The following GOLGA5 variants were observed in gnomAD, a reference collection of about 807,000 sequenced individuals.
The protein encoded by GOLGA5 is golgin A5.
GOLGA5 carries 50 observed loss-of-function variants against 93.5 expected under a neutral mutation model. That is an observed-to-expected ratio of 0.53 (90% CI 0.43 to 0.68). The LOEUF (loss-of-function observed/expected upper bound fraction) is 0.68. Ranked by LOEUF, GOLGA5 falls within the 30% of genes least tolerant of loss-of-function variation. The pLI, the probability that GOLGA5 is intolerant of heterozygous loss-of-function variation, is 0.00. For synonymous variants in GOLGA5, 312 were observed against 304.5 expected, an observed-to-expected ratio of 1.02 and a Z score of -0.26; for missense variants, 760 against 856.4, an observed-to-expected ratio of 0.89 and a Z score of 1.40.
At chr14:92,832,594 GA>G (rs1885553578) in intron 9 of GOLGA5, among the ~76,000 whole-genome samples, 2 of 152,224 alleles carry the variant, frequency 1.3e-5, no homozygotes, top group Admixed American at 1.3e-4. Context: ...AACAGATTCA[GA>G]GAAGTATAGC....
intron 9 of GOLGA5, among the ~76,000 whole-genome samples, chr14:92,828,786 G>A (rs1885470340): frequency 6.6e-6 from 1 of 151,488 alleles, no homozygotes; most frequent in Admixed American, 6.6e-5. Flanking sequence ...CTTGTGCCTT[G>A]GTCTCCCAAG....
chr14:92,833,560 CTG>C lies in GOLGA5; in HGVS notation c.1945+214_1945+215del, dbSNP rs149658664. Among the ~76,000 whole-genome samples the C allele has an allele frequency of 2.9e-3, 440 of 152,166 alleles. 2 individuals carry two copies. Among genetic ancestry groups the C allele is most frequent in the African/African-American group, 0.01 (427 of 41,498 alleles). The stretch of plus-strand genomic sequence containing the variant: ...CAGTATTAGACTTGGGGAAAGTAGT[CTG>C]AGGATTGATAATTATATTGTAATGT... On this transcript the variant is annotated intron_variant, in intron 10 of 12. Coordinates refer to ENST00000163416, the MANE Select transcript of GOLGA5 (RefSeq NM_005113.4).
chr14:92,835,938 T>A (rs1885631435), intron 11 of GOLGA5, among the ~76,000 whole-genome samples: 1 of 151,926 alleles, frequency 6.6e-6, no homozygotes, highest in Non-Finnish European at 1.5e-5. Flanking sequence ...TAACCCTGAC[T>A]GTATCTCTTT....
At chr14:92,795,754 A>G (rs1381862918) in intron 1 of GOLGA5, among the ~76,000 whole-genome samples, 1 of 152,202 alleles carries the variant, frequency 6.6e-6, no homozygotes, top group African/African-American at 2.4e-5. Context: ...ATTATAAAAC[A>G]TGAAGGACTG....
intron 9 of GOLGA5, among the ~76,000 whole-genome samples, chr14:92,830,638 C>A (rs548306005): frequency 1.4e-4 from 22 of 152,214 alleles, no homozygotes; most frequent in African/African-American, 5.1e-4. Flanking sequence ...TTTGCTCTGT[C>A]ACCCGGGCTG....
chr14:92,832,488 A>G (rs761133716), intron 9 of GOLGA5, among the ~76,000 whole-genome samples: 10 of 152,240 alleles, frequency 6.6e-5, no homozygotes, highest in Non-Finnish European at 1.3e-4. Flanking sequence ...GTCGTTAAGT[A>G]TCAACTTTCA....
chr14:92,799,834 G>A (rs899026155), intron 2 of GOLGA5, among the ~76,000 whole-genome samples: 2 of 149,682 alleles, frequency 1.3e-5, no homozygotes, highest in Non-Finnish European at 3.0e-5. Flanking sequence ...CTTGAACTCC[G>A]GACCTCAAGT....
intron 3 of GOLGA5, among the ~76,000 whole-genome samples, chr14:92,807,337 A>G (rs1885010960): frequency 6.6e-6 from 1 of 152,048 alleles, no homozygotes; most frequent in Admixed American, 6.5e-5. Flanking sequence ...AAAATAATAA[A>G]CTTAAAAACT....
chr14:92,797,222 A>T (rs1410584941), intron 1 of GOLGA5, among the ~76,000 whole-genome samples, 186 bp from the exon 2 acceptor site: 2 of 152,070 alleles, frequency 1.3e-5, no homozygotes, highest in Non-Finnish European at 2.9e-5. Context: ...AGGTAAGTAC[A>T]CTTTCCCCCC....
At chr14:92,839,075 A>G (rs748992524) in intron 12 of GOLGA5, among the ~76,000 whole-genome samples, 2 of 152,222 alleles carry the variant, frequency 1.3e-5, no homozygotes, top group Non-Finnish European at 2.9e-5. Flanking sequence ...ATGTGTATCT[A>G]GCAGTTTTAA....
chr14:92,831,658 C>T (rs953463779), intron 9 of GOLGA5, among the ~76,000 whole-genome samples: 8 of 152,084 alleles, frequency 5.3e-5, no homozygotes, highest in African/African-American at 9.7e-5. Flanking sequence ...ATTAAAAAAT[C>T]TTGAAGTATG....
chr14:92,809,584 T>G (rs1207833695), intron 4 of GOLGA5, 65 bp downstream of exon 4: 2 of 933,782 alleles, frequency 2.1e-6, no homozygotes, highest in Non-Finnish European at 3.3e-6. Context: ...GTGTATCCAC[T>G]TATGAAACTT....
At chr14:92,819,626 A>AT in intron 7 of GOLGA5, 82 bp from the exon 8 acceptor site, 1 of 1,402,204 alleles carries the variant, frequency 7.1e-7, no homozygotes, top group Non-Finnish European at 1.0e-6. Flanking sequence ...TGAGACTCTG[A>AT]TTCTTAAAAA....
chr14:92,795,672 A>C (rs1296768984), intron 1 of GOLGA5, among the ~76,000 whole-genome samples: 1 of 152,218 alleles, frequency 6.6e-6, no homozygotes, highest in African/African-American at 2.4e-5. Flanking sequence ...TGGTGAGCAA[A>C]ACAGACATAA....
intron 6 of GOLGA5, 69 bp from the exon 7 acceptor site, chr14:92,816,182 A>G (rs1293539817): frequency 4.0e-6 from 4 of 1,005,726 alleles, no homozygotes; most frequent in African/African-American, 3.2e-5. Context: ...TATTTTCTGT[A>G]TAGTAGATGA....
rs373869475 is a variant in GOLGA5 at position 92,835,651 on chromosome 14, A to G, written c.2038A>G (p.Ile680Val). Reference sequence around the variant, plus strand: ...AAAAGTTCGCAAAGCTGCTAGTTCAATTGATCAGTTTAGGTAAGCAATGCC... The same window carrying G: ...AAAAGTTCGCAAAGCTGCTAGTTCAGTTGATCAGTTTAGGTAAGCAATGCC... ...YGKVRKAASS[I>V]DQFSIRLGIF... The change falls in exon 11 of 13, where the codon ATT (isoleucine) becomes GTT (valine). Residue 680 changes from isoleucine (I) to valine (V), a missense_variant. Ile to Val is a conservative substitution (Grantham distance 29). Coordinates refer to ENST00000163416, the MANE Select transcript of GOLGA5 (RefSeq NM_005113.4). 1.0e-5 allele frequency: 16 copies of G among 1,606,808 alleles called. No homozygotes were observed. Among genetic ancestry groups the G allele is most frequent in the Admixed American group, 1.7e-5 (1 of 59,988 alleles).
Position 92,830,939 on chromosome 14 carries a change from CG to C in GOLGA5, c.1720-2182del, listed in dbSNP as rs891862592. Among the ~76,000 whole-genome samples, 7 of 152,134 alleles carry C rather than the reference CG, an allele frequency of 4.6e-5. 1 individual carries two copies. Among genetic ancestry groups the C allele is most frequent in the Admixed American group, 4.6e-4 (7 of 15,264 alleles). ...ATATGCACTGAGGAACCAAAAAATT[CG>C]TGTGACTGACTTTATTGCAATATTC... On this transcript the variant is annotated intron_variant, in intron 9 of 12. Transcript: ENST00000163416.
intron 2 of GOLGA5, among the ~76,000 whole-genome samples, chr14:92,805,889 C>T (rs1884973827): frequency 1.3e-5 from 2 of 150,046 alleles, no homozygotes; most frequent in Non-Finnish European, 2.9e-5. Flanking sequence ...TAAAAGTATA[C>T]TTGCATTATA....
chr14:92,833,809 G>A (rs1885580154), intron 10 of GOLGA5, among the ~76,000 whole-genome samples: 2 of 152,288 alleles, frequency 1.3e-5, no homozygotes, highest in East Asian at 3.9e-4. Flanking sequence ...CAACAGATCA[G>A]ATTTTTAATC....
Sources: allele counts gnomAD v4.1 joint callset (sites outside exome capture counted in the v4.1 genomes callset), GRCh38; gene constraint gnomAD v4.1.1; transcripts MANE v1.5; gene names NCBI Gene and HGNC (gene_info 2026-07-23, HGNC 2026-07-21).